Variants in NAGPA observed in about 807,000 individuals in gnomAD.
NAGPA encodes N-acetylglucosamine-1-phosphodiester alpha-N-acetylglucosaminidase, also known as alpha-N-acetylglucosaminyl phosphodiesterase.
NAGPA carries 56 observed loss-of-function variants against 48.5 expected under a neutral mutation model. The observed-to-expected ratio is 1.15, with a 90% confidence interval of 0.93 to 1.44. The LOEUF (loss-of-function observed/expected upper bound fraction) is 1.44. NAGPA is among the 40% of genes most tolerant of loss of function. The probability of loss-of-function intolerance (pLI) is 0.00; values close to 1 mark genes in which losing one functional copy is unlikely to be tolerated. For synonymous variants in NAGPA, 399 were observed against 315.5 expected, an observed-to-expected ratio of 1.26 and a Z score of -2.81; for missense variants, 888 against 735.0, an observed-to-expected ratio of 1.21 and a Z score of -2.41.
At chr16:5,029,959 A>C (rs978076143) in intron 4 of NAGPA, 2 of 282,140 alleles carry the variant, frequency 7.1e-6, no homozygotes, top group Admixed American at 9.9e-5. Context: ...TTCCCTGCTG[A>C]GTGTTGCTAA....
chr16:5,033,712 C>G lies in NAGPA; in HGVS notation c.103G>C (p.Asp35His). 6.2e-7 allele frequency: 1 copy of G among 1,603,436 alleles called. No individual in the cohort carries two copies. Among genetic ancestry groups the G allele is most frequent in the Non-Finnish European group, 8.5e-7 (1 of 1,177,618 alleles). Residue 35 changes from aspartate to histidine, a missense_variant, in exon 2 of 10, where the codon GAC becomes CAC. Asp to His is a moderately conservative substitution (Grantham distance 81). Transcript: ENST00000312251. The surrounding 1 kb of genome is among the most constrained non-coding windows in gnomAD (Gnocchi z 4.2). ...GLDSGASRDD[D>H]LLLPYPRARA... ...GCGCGTGGATAGGGCAGTAGCAAGT[C>G]GTCGTCGCGGGAGGCCCTGCGGGGA...
chr16:5,028,675 C>A, intron 5 of NAGPA: 1 of 738,004 alleles, frequency 1.4e-6, no homozygotes, highest in Admixed American at 2.1e-5. Context: ...CTTATTCTGT[C>A]ATCCTCAGGG....
At chr16:5,032,220 G>C (rs1242848754) in intron 2 of NAGPA, among the ~76,000 whole-genome samples, 1 of 152,086 alleles carries the variant, frequency 6.6e-6, no homozygotes. Context: ...CTTGATCCCT[G>C]TTACGGCCCT....
chr16:5,027,001 G>A, intron 9 of NAGPA, 134 bp downstream of exon 9: 10 of 1,109,644 alleles, frequency 9.0e-6, no homozygotes, highest in Admixed American at 4.0e-5. Flanking sequence ...AGACAGTGGG[G>A]AGAGCTGGTC....
intron 5 of NAGPA, 181 bp from the exon 6 acceptor site, chr16:5,028,366 C>A: frequency 1.6e-6 from 2 of 1,219,754 alleles, no homozygotes; most frequent in Non-Finnish European, 1.2e-6. Flanking sequence ...TCCTGAGCAG[C>A]TGTAACCGTA....
rs200705614 is a variant in NAGPA, at chr16:5,027,104, C to A, written c.1340+31G>T. 5.3e-5 allele frequency: 86 copies of A among 1,613,296 alleles called. No homozygotes were observed. In the Admixed American group the frequency reaches 5.5e-4, roughly 10 times the overall value. ...CGGGAGAGAAGGGGGATTCCTCCCG[C>A]CCTGGCCCCAGCTCCCACAGAAGCA... On this transcript the variant is annotated intron_variant, in intron 9 of 9. Transcript: ENST00000312251.
intron 2 of NAGPA, among the ~76,000 whole-genome samples, chr16:5,032,277 C>T (rs920096500): frequency 2.6e-5 from 4 of 152,176 alleles, no homozygotes; most frequent in Admixed American, 1.3e-4. Context: ...CCTGGTCCCA[C>T]TCAGGATCAG....
intron 5 of NAGPA, chr16:5,028,500 A>C (rs1003050143): frequency 3.2e-6 from 2 of 623,090 alleles, no homozygotes; most frequent in Admixed American, 2.2e-5. Flanking sequence ...CTCCCAAAGC[A>C]CTGGGATTCC....
At chr16:5,028,540 C>T (rs544703264) in intron 5 of NAGPA, 40 of 575,930 alleles carry the variant, frequency 6.9e-5, no homozygotes, top group Non-Finnish European at 1.0e-4. Context: ...CAGCCCTCTC[C>T]AGTCTTTTAT....
chr16:5,033,149 C>T lies in NAGPA; in HGVS notation c.542+124G>A. On this transcript the variant is annotated intron_variant, in intron 2 of 9. Coordinates refer to ENST00000312251, the MANE Select transcript of NAGPA (RefSeq NM_016256.4). The surrounding 1 kb of genome is among the most constrained non-coding windows in gnomAD (Gnocchi z 4.2). ...AACTCTGCAAGGAAGCGATTCCTAT[C>T]CCCATTCTGCAGAGGAGGAAACAGG... The T allele has an allele frequency of 7.9e-6, 9 of 1,132,400 alleles. No individual in the cohort carries two copies. Among genetic ancestry groups the T allele is most frequent in the South Asian group, 1.4e-5 (1 of 73,762 alleles). 70.1% of individuals were successfully genotyped at this position (1,132,400 alleles called of 1,614,324 possible).
chr16:5,025,182 C>G lies in NAGPA; in HGVS notation c.*296G>C, dbSNP rs1414526455. ...AGCCCCTTCCCCAGGAGGAGGGAGA[C>G]TCTTTGGCAGTGCGGCAGCCCTCCC... is the stretch of plus-strand genomic sequence containing the variant. On this transcript the variant is annotated 3_prime_UTR_variant, in exon 10 of 10. Transcript: ENST00000312251. 1.9e-5 allele frequency: 9 copies of G among 472,150 alleles called. No individual in the cohort carries two copies. The allele number at this position is 472,150 out of a possible 1,614,324, so 29.2% of individuals were successfully genotyped here. A position where few individuals can be genotyped will look rare whatever the true frequency, so the allele number is the denominator to read the frequency against.
chr16:5,033,329 G>A lies in NAGPA; in HGVS notation c.486C>T (p.Ser162=), dbSNP rs770913992. The change falls in exon 2 of 10, where the codon TCC becomes TCT. Residue 162 remains serine, a synonymous_variant. Coordinates refer to ENST00000312251, the MANE Select transcript of NAGPA (RefSeq NM_016256.4). The surrounding 1 kb of genome is among the most constrained non-coding windows in gnomAD (Gnocchi z 4.2). The part of the protein sequence containing the change: ...VVSDERRVSS[S]GGLQNAQFGI... ...CGAACTGCGCGTTCTGCAGCCCCCC[G>A]GAGCTGCTCACCCGCCGCTCGTCGC... is the stretch of plus-strand genomic sequence containing the variant. 3 of 1,597,584 alleles carry A rather than the reference G, an allele frequency of 1.9e-6. No homozygotes were observed. Among genetic ancestry groups the A allele is most frequent in the East Asian group, 2.2e-5 (1 of 44,776 alleles).
Position 5,033,725 on chromosome 16 carries a change from G to T in NAGPA, c.90C>A (p.Ala30=). 6.2e-7 allele frequency: 1 copy of T among 1,603,440 alleles called. No homozygotes were observed. The highest frequency in any genetic ancestry group is 8.5e-7 in the Non-Finnish European group (1 of 1,177,162). ...GCAGTAGCAAGTCGTCGTCGCGGGA[G>T]GCCCTGCGGGGACGGGCGGCCGTGA... ...WEASGGLDSG[A]SRDDDLLLPY... Residue 30 remains alanine, a synonymous_variant, in exon 2 of 10, where the codon GCC becomes GCA. Coordinates refer to ENST00000312251, the MANE Select transcript of NAGPA (RefSeq NM_016256.4). This position sits in a 1 kb window ranked among gnomAD's most constrained non-coding sequence, Gnocchi z 4.2.
At chr16:5,029,310 G>C (rs1956061501) in intron 4 of NAGPA, 1 of 414,224 alleles carries the variant, frequency 2.4e-6, no homozygotes, top group Non-Finnish European at 4.4e-6. Flanking sequence ...GCTGGTGACA[G>C]AATAGGAAGT....
In NAGPA at chr16:5,025,431, T is replaced by TG. The variant is rs768181939; in HGVS notation, c.*46dup. 1.2e-6 allele frequency: 2 copies of TG among 1,602,028 alleles called. No individual in the cohort carries two copies. The highest frequency in any genetic ancestry group is 1.7e-6 in the Non-Finnish European group (2 of 1,172,728). The stretch of plus-strand genomic sequence containing the variant: ...AATTTCCCCTGCAGAAGCCAGACCG[T>TG]GGGGAAACAAGCTTTCGCGACGTGC... On this transcript the variant is annotated 3_prime_UTR_variant, in exon 10 of 10. Transcript: ENST00000312251.
chr16:5,028,867 C>T lies in NAGPA; in HGVS notation c.920+13G>A, dbSNP rs778092513. 70 of 1,613,860 alleles carry T rather than the reference C, an allele frequency of 4.3e-5. No individual in the cohort carries two copies. The Middle Eastern group carries it at 9.9e-4, about 23-fold the overall frequency. ...GACTTCAGCCCTCACGAAGGCGGCTCTCACGTGCTTACCAGTGATCTGACG... is the reference window on the plus strand; with the variant it reads ...GACTTCAGCCCTCACGAAGGCGGCTTTCACGTGCTTACCAGTGATCTGACG... On this transcript the variant is annotated intron_variant, in intron 5 of 9. Transcript: ENST00000312251.
intron 3 of NAGPA, 179 bp from the exon 4 acceptor site, chr16:5,030,672 CTCT>C: frequency 1.5e-6 from 1 of 668,028 alleles, no homozygotes; most frequent in Non-Finnish European, 2.7e-6. Flanking sequence ...GCCGGGGGGT[CTCT>C]TCTTACAGGT....
In NAGPA at chr16:5,024,925, T is replaced by C. The variant is rs968480621; in HGVS notation, c.*553A>G. On this transcript the variant is annotated 3_prime_UTR_variant, in exon 10 of 10. Transcript: ENST00000312251. ...ATTAAAAAACTTCTTGGCAGCAGGA[T>C]GACAAAACAGGTCTGTAAACATGAT... 3 of 157,534 alleles carry C rather than the reference T, an allele frequency of 1.9e-5. No individual in the cohort carries two copies. The highest frequency in any genetic ancestry group is 7.2e-5 in the African/African-American group (3 of 41,514). The allele number at this position is 157,534 out of a possible 1,614,324, so 9.8% of individuals were successfully genotyped here. A position where few individuals can be genotyped will look rare whatever the true frequency, so the allele number is the denominator to read the frequency against.
At chr16:5,031,552 A>C (rs1300131777) in intron 3 of NAGPA, 193 bp downstream of exon 3, 32 of 742,640 alleles carry the variant, frequency 4.3e-5, no homozygotes, top group Non-Finnish European at 7.3e-5. Context: ...TCTTTTCAGC[A>C]TATTCTATAA....
Sources: allele counts gnomAD v4.1 joint callset (sites outside exome capture counted in the v4.1 genomes callset), GRCh38; gene constraint gnomAD v4.1.1; non-coding constraint Gnocchi (gnomAD v3.1); transcripts MANE v1.5; gene names NCBI Gene and HGNC (gene_info 2026-07-23, HGNC 2026-07-21).